NECTIN1: variants seen among roughly 807,000 people sequenced by gnomAD.
NECTIN1 encodes nectin cell adhesion molecule 1.
Under a neutral mutation model 48.0 loss-of-function variants are expected in NECTIN1, and 23 were observed. That is an observed-to-expected ratio of 0.48 (90% confidence interval 0.34 to 0.68). The LOEUF (loss-of-function observed/expected upper bound fraction) is 0.68, where lower values mean the gene tolerates loss of function less well. Among genes scored for constraint, NECTIN1 ranks in the 30% least tolerant of loss-of-function variants. NECTIN1 has a pLI of 0.01. For synonymous variants in NECTIN1, 270 were observed against 288.9 expected, an observed-to-expected ratio of 0.93 and a Z score of 0.66; for missense variants, 591 against 709.9, an observed-to-expected ratio of 0.83 and a Z score of 1.90.
intron 1 of NECTIN1, among the ~76,000 whole-genome samples, chr11:119,679,528 C>A (rs964299968): frequency 6.6e-6 from 1 of 152,174 alleles, no homozygotes; most frequent in Non-Finnish European, 1.5e-5. Context: ...AATGTAAATG[C>A]CTTCTCTTGG....
Position 119,678,920 on chromosome 11 carries a change from G to A in NECTIN1, c.80-155C>T, listed in dbSNP as rs1865011854. Among the ~76,000 whole-genome samples, 1 of 152,076 alleles carries A rather than the reference G, an allele frequency of 6.6e-6. No individual in the cohort carries two copies. The highest frequency in any genetic ancestry group is 2.1e-4 in the South Asian group (1 of 4,812). ...ATTACTTGTTATAAAAACACTCTAG[G>A]CAACACTGAAAAATCATGAGAAGAA... is the stretch of plus-strand genomic sequence containing the variant. On this transcript the variant is annotated intron_variant, in intron 1 of 5. Coordinates refer to ENST00000264025, the MANE Select transcript of NECTIN1 (RefSeq NM_002855.5). This position sits in a 1 kb window ranked among gnomAD's most constrained non-coding sequence, Gnocchi z 4.4.
Position 119,664,403 on chromosome 11 carries a change from C to T in NECTIN1, c.*344G>A. 3.7e-6 allele frequency: 4 copies of T among 1,090,686 alleles called. No homozygotes were observed. The highest frequency in any genetic ancestry group is 3.3e-6 in the Non-Finnish European group (3 of 896,146). The allele number at this position is 1,090,686 out of a possible 1,614,324, so 67.6% of individuals were successfully genotyped here. ...TTCCAGTGTAGGGGGGCGGGGGAGG[C>T]TGGCTCCCCAAACCCTGGAGGGATG... On this transcript the variant is annotated 3_prime_UTR_variant, in exon 6 of 6. Coordinates refer to ENST00000264025, the MANE Select transcript of NECTIN1 (RefSeq NM_002855.5).
chr11:119,716,764 C>T (rs990028626), intron 1 of NECTIN1, among the ~76,000 whole-genome samples: 1 of 152,242 alleles, frequency 6.6e-6, no homozygotes, highest in Admixed American at 6.5e-5. Context: ...GGCTGTGCCC[C>T]CAACCCCAGG....
chr11:119,699,537 G>A (rs1032109874), intron 1 of NECTIN1, among the ~76,000 whole-genome samples: 10 of 152,234 alleles, frequency 6.6e-5, no homozygotes, highest in Admixed American at 2.6e-4. Flanking sequence ...CCCCTCTGGC[G>A]GGCAGGCACG....
chr11:119,681,697 G>T (rs1188698040), intron 1 of NECTIN1, among the ~76,000 whole-genome samples: 1 of 152,182 alleles, frequency 6.6e-6, no homozygotes, highest in Non-Finnish European at 1.5e-5. Context: ...TGGGGTGGAG[G>T]TTGCTCTTTT....
At chr11:119,697,750 T>C (rs1865366300) in intron 1 of NECTIN1, among the ~76,000 whole-genome samples, 1 of 152,216 alleles carries the variant, frequency 6.6e-6, no homozygotes, top group Admixed American at 6.5e-5. Flanking sequence ...CTGTGCTCCC[T>C]TTCAGACTGA....
chr11:119,695,711 G>T (rs974778555), intron 1 of NECTIN1, among the ~76,000 whole-genome samples: 5 of 152,200 alleles, frequency 3.3e-5, no homozygotes, highest in Admixed American at 1.3e-4. Flanking sequence ...TTACCAAAAT[G>T]AGATTCTCTG....
intron 1 of NECTIN1, among the ~76,000 whole-genome samples, chr11:119,723,299 G>C (rs1865863108): frequency 6.6e-6 from 1 of 151,014 alleles, no homozygotes; most frequent in Non-Finnish European, 1.5e-5. Context: ...GTAATTGGTA[G>C]AGGTGGGATT....
rs990717203 is a variant in NECTIN1, at chr11:119,681,147, T to C, written c.80-2382A>G. Among the ~76,000 whole-genome samples the C allele has an allele frequency of 2.6e-5, 4 of 152,326 alleles. 1 individual carries two copies. The highest frequency in any genetic ancestry group is 4.4e-5 in the Non-Finnish European group (3 of 68,030). ...CCCAGTACTCTTGCTGACGGGCTAG[T>C]TGGCAAGCAGCTAAGCCCTAGGCCC... On this transcript the variant is annotated intron_variant, in intron 1 of 5. Transcript: ENST00000264025.
intron 5 of NECTIN1, among the ~76,000 whole-genome samples, chr11:119,645,731 C>T (rs186751342): frequency 1.1e-4 from 16 of 152,298 alleles, no homozygotes; most frequent in African/African-American, 3.6e-4. Flanking sequence ...GCTGCCGCAC[C>T]GTCACACGTG....
Position 119,673,662 on chromosome 11 carries a change from C to T in NECTIN1, c.1003+1497G>A, listed in dbSNP as rs573024807. ...TGCTGTCTCCCATGTGACAGTGCCTCCCTGAGGGGTGGTCATGTTCCCTAT... is the reference window on the plus strand; with the variant it reads ...TGCTGTCTCCCATGTGACAGTGCCTTCCTGAGGGGTGGTCATGTTCCCTAT... On this transcript the variant is annotated intron_variant, in intron 5 of 5. Transcript: ENST00000264025. The surrounding 1 kb of genome is among the most constrained non-coding windows in gnomAD (Gnocchi z 5.8). Among the ~76,000 whole-genome samples the T allele has an allele frequency of 6.6e-6, 1 of 152,328 alleles. No individual in the cohort carries two copies. Among genetic ancestry groups the T allele is most frequent in the African/African-American group, 2.4e-5 (1 of 41,570 alleles).
chr11:119,665,029 G>A lies in NECTIN1; in HGVS notation c.1272C>T (p.Asp424=), dbSNP rs200452076. 31 of 1,613,750 alleles carry A rather than the reference G, an allele frequency of 1.9e-5. No homozygotes were observed. Among genetic ancestry groups the A allele is most frequent in the East Asian group, 1.8e-4 (8 of 44,876 alleles). Residue 424 remains aspartate, a synonymous_variant, in exon 6 of 6, where the codon GAC becomes GAT. Transcript: ENST00000264025. The surrounding 1 kb of genome is among the most constrained non-coding windows in gnomAD (Gnocchi z 5.1). ...CACCCAGTGGGCCGGCCTTCTTCTC[G>A]TCGTCTGAGTCGTCGGGGTACTGCA... ...QNLQYPDDSD[D]EKKAGPLGGS... is the part of the protein sequence containing the mutation.
intron 1 of NECTIN1, among the ~76,000 whole-genome samples, chr11:119,716,869 C>T (rs778879325): frequency 7.2e-5 from 11 of 152,248 alleles, no homozygotes; most frequent in Admixed American, 4.6e-4. Context: ...CACGCACGCA[C>T]GCACACACAC....
intron 1 of NECTIN1, among the ~76,000 whole-genome samples, chr11:119,685,164 G>A (rs1429774474): frequency 2.0e-5 from 3 of 152,228 alleles, no homozygotes; most frequent in Non-Finnish European, 2.9e-5. Context: ...GCTGGTGGGA[G>A]GTGCTGATAA....
chr11:119,664,173 T>C lies in NECTIN1; in HGVS notation c.*574A>G. 7.1e-6 allele frequency: 7 copies of C among 986,418 alleles called. No homozygotes were observed. Among genetic ancestry groups the C allele is most frequent in the Non-Finnish European group, 8.4e-6 (7 of 830,428 alleles). 61.1% of individuals were successfully genotyped at this position (986,418 alleles called of 1,614,324 possible). The stretch of plus-strand genomic sequence containing the variant: ...TTAACAAACAAGACTCCCTGGGAAC[T>C]GGGGAGAAGCCGCACCCCTCCCCCT... On this transcript the variant is annotated 3_prime_UTR_variant, in exon 6 of 6. Transcript: ENST00000264025.
At chr11:119,703,740 A>C (rs998299617) in intron 1 of NECTIN1, among the ~76,000 whole-genome samples, 3 of 152,252 alleles carry the variant, frequency 2.0e-5, no homozygotes, top group African/African-American at 7.2e-5. Flanking sequence ...AATTTCCATC[A>C]ACCTGGATTA....
At chr11:119,722,703 C>T (rs1336397974) in intron 1 of NECTIN1, among the ~76,000 whole-genome samples, 1 of 152,250 alleles carries the variant, frequency 6.6e-6, no homozygotes, top group Non-Finnish European at 1.5e-5. Context: ...GGACTCGCTT[C>T]CCAAGTAGCA....
chr11:119,696,803 C>T (rs969702101), intron 1 of NECTIN1, among the ~76,000 whole-genome samples: 8 of 152,214 alleles, frequency 5.3e-5, no homozygotes, highest in Non-Finnish European at 1.2e-4. Context: ...CCCCGGAAAG[C>T]AGGACTGCAG....
intron 1 of NECTIN1, among the ~76,000 whole-genome samples, chr11:119,718,387 G>C (rs768757879): frequency 2.0e-5 from 3 of 152,214 alleles, no homozygotes; most frequent in Non-Finnish European, 4.4e-5. Flanking sequence ...GGAAGCACCA[G>C]CCCTTTCATC....
Sources: gnomAD v4.1 joint callset for allele counts (sites outside exome capture counted in the v4.1 genomes callset) on GRCh38, gnomAD v4.1.1 for gene constraint, Gnocchi (gnomAD v3.1) non-coding constraint, MANE v1.5 for transcripts, NCBI Gene and HGNC (gene_info 2026-07-23, HGNC 2026-07-21) for gene names.